Variants in DCP1A observed in about 807,000 individuals in gnomAD.
DCP1A encodes decapping mRNA 1A, also known as mRNA-decapping enzyme 1A.
In DCP1A, 20 loss-of-function variants were observed where a neutral mutation model predicts 58.0. The ratio of observed to expected loss-of-function variants is 0.34; its 90% confidence interval spans 0.24 to 0.50. The LOEUF (loss-of-function observed/expected upper bound fraction) is 0.50, where lower values mean the gene tolerates loss of function less well. DCP1A is among the 20% of genes least tolerant of loss of function. The pLI is 0.98. For synonymous variants in DCP1A, 285 were observed against 275.1 expected (o/e 1.04, Z -0.36); for missense variants, 613 against 712.2 (o/e 0.86, Z 1.59).
intron 6 of DCP1A, among the ~76,000 whole-genome samples, chr3:53,298,886 T>C (rs1707221353): frequency 6.6e-6 from 1 of 152,200 alleles, no homozygotes; most frequent in South Asian, 2.1e-4. Context: ...TTTTCTATGG[T>C]TAAATATACA....
intron 6 of DCP1A, among the ~76,000 whole-genome samples, chr3:53,302,261 C>T (rs990277099): frequency 1.3e-5 from 2 of 152,158 alleles, no homozygotes; most frequent in South Asian, 2.1e-4. Flanking sequence ...TTATTTCTTA[C>T]AACTGCATAT....
At chr3:53,301,266 G>A (rs1553687381) in intron 6 of DCP1A, among the ~76,000 whole-genome samples, 1 of 151,686 alleles carries the variant, frequency 6.6e-6, no homozygotes, top group Non-Finnish European at 1.5e-5. Context: ...AAAACAGTTT[G>A]GTGGTTTCTT....
chr3:53,297,051 G>A (rs1436667711), intron 6 of DCP1A, among the ~76,000 whole-genome samples: 6 of 152,100 alleles, frequency 3.9e-5, no homozygotes, highest in Admixed American at 3.9e-4. Context: ...AGGTAACAGA[G>A]TATATGGAGC....
chr3:53,334,252 C>T (rs965055504), intron 3 of DCP1A, among the ~76,000 whole-genome samples: 2 of 151,806 alleles, frequency 1.3e-5, no homozygotes, highest in East Asian at 1.9e-4. Context: ...GGTGTCACAG[C>T]GAGACCTGTC....
chr3:53,304,048 G>A (rs1160654107), intron 6 of DCP1A, 129 bp downstream of exon 6: 8 of 643,246 alleles, frequency 1.2e-5, no homozygotes, highest in Admixed American at 1.1e-4. Context: ...TGACCTAGGA[G>A]GATGTCATTA....
At chr3:53,290,384 A>G (rs1706809964) in intron 8 of DCP1A, among the ~76,000 whole-genome samples, 1 of 152,082 alleles carries the variant, frequency 6.6e-6, no homozygotes, top group Non-Finnish European at 1.5e-5. Context: ...GCAGTCACCC[A>G]TTCACAAATA....
At position 53,312,151 on chromosome 3, in the gene DCP1A, C is replaced by G. The variant is rs1002271170; in HGVS notation, c.510+90G>C. The G allele has an allele frequency of 1.4e-4, 204 of 1,409,908 alleles. No homozygotes were observed. In the Middle Eastern group the frequency reaches 2.6e-3, roughly 18 times the overall value. 87.3% of individuals were successfully genotyped at this position (1,409,908 alleles called of 1,614,324 possible). On this transcript the variant is annotated intron_variant, in intron 5 of 9. Coordinates refer to ENST00000610213, the MANE Select transcript of DCP1A (RefSeq NM_018403.7). ...CTTATATTTCTGCCGTCCCTGGAGG[C>G]CAGCTTCCCTAGTAAAATAGTCTCC... is the stretch of plus-strand genomic sequence containing the variant.
Position 53,292,775 on chromosome 3 carries a change from G to A in DCP1A, c.677C>T (p.Ser226Phe), listed in dbSNP as rs1388721658. 1.1e-5 allele frequency: 18 copies of A among 1,613,014 alleles called. No homozygotes were observed. The highest frequency in any genetic ancestry group is 1.5e-5 in the Non-Finnish European group (18 of 1,179,898). The change falls in exon 7 of 10, where the codon TCT (serine) becomes TTT (phenylalanine). Residue 226 changes from serine to phenylalanine, a missense_variant. Physicochemically the swap from Ser to Phe is radical, Grantham distance 155 (BLOSUM62 -2). Coordinates refer to ENST00000610213, the MANE Select transcript of DCP1A (RefSeq NM_018403.7). ...AACTGCTGGTTGTTCCTTTGGCAAA[G>A]AGGTTCCAAATAACTCTTCTACCGT... ...HLTVEELFGT[S>F]LPKEQPAVVG...
chr3:53,334,300 T>C (rs1396846066), intron 3 of DCP1A, among the ~76,000 whole-genome samples: 2 of 152,108 alleles, frequency 1.3e-5, no homozygotes, highest in African/African-American at 4.8e-5. Context: ...TAATTAAAAA[T>C]ATTAAAACAG....
At chr3:53,327,600 G>A (rs1227137247) in intron 3 of DCP1A, among the ~76,000 whole-genome samples, 2 of 151,778 alleles carry the variant, frequency 1.3e-5, no homozygotes, top group Non-Finnish European at 2.9e-5. Context: ...GACCAGCCTG[G>A]CCAACATAGT....
intron 3 of DCP1A, among the ~76,000 whole-genome samples, chr3:53,336,468 T>C (rs1435152914): frequency 6.6e-6 from 1 of 152,234 alleles, no homozygotes; most frequent in Non-Finnish European, 1.5e-5. Context: ...ATCTGGTATT[T>C]ACATCCATTA....
At chr3:53,289,122 C>T (rs1474561930) in intron 8 of DCP1A, among the ~76,000 whole-genome samples, 4 of 151,434 alleles carry the variant, frequency 2.6e-5, no homozygotes, top group Admixed American at 2.6e-4. Context: ...GCAATCCTCC[C>T]CCCATTTTTG....
intron 4 of DCP1A, among the ~76,000 whole-genome samples, chr3:53,318,142 C>A (rs1707865410): frequency 6.6e-6 from 1 of 151,926 alleles, no homozygotes; most frequent in Non-Finnish European, 1.5e-5. Context: ...TATCTCTACC[C>A]ACCCCCCAAA....
rs143190624 is a variant in DCP1A, at chr3:53,292,112, G to A, written c.1340C>T (p.Ala447Val). The A allele has an allele frequency of 3.3e-3, 5,263 of 1,613,578 alleles. 228 individuals are homozygous for A. In the Admixed American group the frequency reaches 0.073, roughly 22 times the overall value. Residue 447 changes from alanine (A) to valine (V), a missense_variant, in exon 7 of 10, where the codon GCG (alanine) becomes GTG (valine). This residue lies in a region of DCP1A where 498 missense variants were observed against 556.7 expected (regional missense o/e 0.89). Transcript: ENST00000610213. ...PPSKTAAARVAASASLSNMVL... is the reference protein window; with the variant it reads ...PPSKTAAARVVASASLSNMVL... ...CATGTTGCTCAGGGAGGCTGAGGCCGCCACTCTTGCTGCTGCTGTCTTAGA... is the reference window on the plus strand; with the variant it reads ...CATGTTGCTCAGGGAGGCTGAGGCCACCACTCTTGCTGCTGCTGTCTTAGA...
At chr3:53,320,308 A>C (rs1258387909) in intron 3 of DCP1A, among the ~76,000 whole-genome samples, 1 of 152,064 alleles carries the variant, frequency 6.6e-6, no homozygotes, top group Admixed American at 6.6e-5. Context: ...GCCCTAAACA[A>C]ACTTGCTGCA....
chr3:53,300,711 G>A (rs957712815), intron 6 of DCP1A, among the ~76,000 whole-genome samples: 3 of 151,984 alleles, frequency 2.0e-5, no homozygotes, highest in African/African-American at 7.3e-5. Context: ...GCAGTGGTGC[G>A]ATCTTGGCTC....
intron 4 of DCP1A, among the ~76,000 whole-genome samples, chr3:53,313,466 C>T (rs1322117515): frequency 6.6e-6 from 1 of 151,364 alleles, no homozygotes; most frequent in Non-Finnish European, 1.5e-5. Flanking sequence ...TTTAAGAACA[C>T]CCCCTTCTCC....
chr3:53,347,506 C>T lies in DCP1A; in HGVS notation c.12G>A (p.Leu4=), dbSNP rs2089308872. The change falls in exon 1 of 10, where the codon CTG becomes CTA. Residue 4 remains leucine, a synonymous_variant. Coordinates refer to ENST00000610213, the MANE Select transcript of DCP1A (RefSeq NM_018403.7). Reference sequence around the variant, plus strand: ...GGCTCATCTCCTGCCCAGCTCGACTCAGCGCCTCCATCTTGAATCCCAGAG... The same window carrying T: ...GGCTCATCTCCTGCCCAGCTCGACTTAGCGCCTCCATCTTGAATCCCAGAG... MEA[L]SRAGQEMSLA... 4 of 1,611,822 alleles carry T rather than the reference C, an allele frequency of 2.5e-6. No homozygotes were observed. Among genetic ancestry groups the T allele is most frequent in the Non-Finnish European group, 3.4e-6 (4 of 1,178,772 alleles).
chr3:53,346,727 A>G (rs1553693185), intron 1 of DCP1A, among the ~76,000 whole-genome samples: 2 of 152,164 alleles, frequency 1.3e-5, no homozygotes, highest in Non-Finnish European at 2.9e-5. Flanking sequence ...AGCATCATAG[A>G]TGGAACAAAA....
Sources: allele counts gnomAD v4.1 joint callset (sites outside exome capture counted in the v4.1 genomes callset), GRCh38; gene constraint gnomAD v4.1.1; regional missense constraint gnomAD v4.1.1; transcripts MANE v1.5; gene names NCBI Gene and HGNC (gene_info 2026-07-23, HGNC 2026-07-21).